The following OTOGL variants were observed in gnomAD, a reference collection of about 807,000 sequenced individuals.
OTOGL encodes the protein otogelin-like protein.
A neutral mutation model predicts 318.5 loss-of-function variants in OTOGL; 285 were observed. That is an observed-to-expected ratio of 0.89 (90% confidence interval 0.81 to 0.99). The LOEUF (loss-of-function observed/expected upper bound fraction) is 0.99. Among genes scored for constraint, OTOGL ranks in the 50% least tolerant of loss-of-function variants. OTOGL has a pLI of 0.00. For missense variants in OTOGL, 2,899 were observed against 2,845.6 expected, an observed-to-expected ratio of 1.02 and a Z score of -0.43; for synonymous variants, 987 against 936.5, an observed-to-expected ratio of 1.05 and a Z score of -0.99.
Position 80,313,541 on chromosome 12 carries a change from C to G in OTOGL, c.3516C>G (p.Asp1172Glu). The change falls in exon 31 of 59, where the codon GAC becomes GAG. Residue 1172 changes from aspartate (D) to glutamate (E), a missense_variant. Asp to Glu is a conservative substitution (Grantham distance 45). Around this residue, in one of 3 missense-constraint regions of OTOGL, gnomAD observed 2,607 missense variants for 2,524.9 expected, o/e 1.03. Transcript: ENST00000547103. ...EDTCNCNLGG[D>E]CECLCTSIAA... ...CATGTAACTGCAATCTTGGTGGCGACTGTGAGTGTTTGTGCACTAGTATAG... is the reference window on the plus strand; with the variant it reads ...CATGTAACTGCAATCTTGGTGGCGAGTGTGAGTGTTTGTGCACTAGTATAG... The G allele has an allele frequency of 6.2e-7, 1 of 1,612,570 alleles. No individual in the cohort carries two copies. The highest frequency in any genetic ancestry group is 1.1e-5 in the South Asian group (1 of 91,044).
chr12:80,366,008 T>C (rs1321058291), intron 52 of OTOGL, among the ~76,000 whole-genome samples: 1 of 152,102 alleles, frequency 6.6e-6, no homozygotes, highest in Non-Finnish European at 1.5e-5. Flanking sequence ...CTACAGGACT[T>C]TCTGTGTGTC....
At chr12:80,313,063 T>C (rs1056955074) in intron 30 of OTOGL, among the ~76,000 whole-genome samples, 2 of 152,134 alleles carry the variant, frequency 1.3e-5, no homozygotes. Flanking sequence ...TTACCATTAA[T>C]AGCCATTAGG....
rs143772499 is a variant in OTOGL, at chr12:80,269,643, G to A, written c.2466-459G>A. On this transcript the variant is annotated intron_variant, in intron 22 of 58. Transcript: ENST00000547103. ...GTTATAGCCTTCCTACCTTAGGTGT[G>A]CCATAACCTCCATCCACTCTTCAAA... Among the ~76,000 whole-genome samples, 156 of 152,224 alleles carry A rather than the reference G, an allele frequency of 1.0e-3. 2 individuals are homozygous for A. Among genetic ancestry groups the A allele is most frequent in the African/African-American group, 3.1e-3 (127 of 41,536 alleles).
chr12:80,109,047 G>A (rs914982803), intron 1 of OTOGL, among the ~76,000 whole-genome samples: 3 of 148,912 alleles, frequency 2.0e-5, no homozygotes, highest in Non-Finnish European at 4.4e-5. Context: ...TTTCTGACTC[G>A]TCTCCAGTCT....
chr12:80,217,537 G>A, intron 4 of OTOGL, 61 bp from the exon 5 acceptor site: 1 of 1,149,450 alleles, frequency 8.7e-7, no homozygotes, highest in South Asian at 1.4e-5. Context: ...TTGCCAATTT[G>A]CATGTTTGGC....
At chr12:80,230,351 T>C (rs550816438) in intron 8 of OTOGL, among the ~76,000 whole-genome samples, 5 of 152,246 alleles carry the variant, frequency 3.3e-5, no homozygotes, top group African/African-American at 1.2e-4. Context: ...CTTGGTCAGT[T>C]GGGTTCTGTA....
intron 52 of OTOGL, among the ~76,000 whole-genome samples, chr12:80,361,794 T>C (rs1890250939): frequency 6.6e-6 from 1 of 152,226 alleles, no homozygotes. Flanking sequence ...AAATGCCTAT[T>C]CAGGCCCTTT....
chr12:80,288,206 A>C (rs1332156727), intron 26 of OTOGL, among the ~76,000 whole-genome samples: 1 of 152,126 alleles, frequency 6.6e-6, no homozygotes, highest in Non-Finnish European at 1.5e-5. Flanking sequence ...TCTTTTCTTT[A>C]AGAATGTTGA....
chr12:80,114,862 G>A (rs1428504517), intron 1 of OTOGL, among the ~76,000 whole-genome samples: 1 of 151,208 alleles, frequency 6.6e-6, no homozygotes, highest in Non-Finnish European at 1.5e-5. Context: ...ATTTCATTAA[G>A]TTGATCTTCA....
intron 1 of OTOGL, among the ~76,000 whole-genome samples, chr12:80,164,930 A>T (rs1010828732): frequency 1.1e-4 from 17 of 152,040 alleles, no homozygotes; most frequent in African/African-American, 3.4e-4. Flanking sequence ...GTAGAGGAGG[A>T]AAAAAGGGGA....
chr12:80,148,387 T>A (rs973820685), intron 1 of OTOGL, among the ~76,000 whole-genome samples: 27 of 150,228 alleles, frequency 1.8e-4, no homozygotes, highest in African/African-American at 6.4e-4. Flanking sequence ...TGGCCCCCAC[T>A]CTCTTCTGGC....
chr12:80,250,154 C>A (rs547667706), intron 11 of OTOGL, among the ~76,000 whole-genome samples: 2 of 152,222 alleles, frequency 1.3e-5, no homozygotes, highest in Middle Eastern at 3.4e-3. Flanking sequence ...AGCTGTAGAC[C>A]GGAGCTGTTC....
chr12:80,124,444 T>G (rs1870683153), intron 1 of OTOGL, among the ~76,000 whole-genome samples: 2 of 152,196 alleles, frequency 1.3e-5, no homozygotes, highest in Admixed American at 6.5e-5. Flanking sequence ...ACTGTAGCCT[T>G]GTAGTATGGT....
At chr12:80,205,249 G>A (rs1257838718) in intron 1 of OTOGL, among the ~76,000 whole-genome samples, 1 of 152,126 alleles carries the variant, frequency 6.6e-6, no homozygotes, top group Non-Finnish European at 1.5e-5. Flanking sequence ...GAAGATAGCT[G>A]CAGAAACTGA....
At chr12:80,149,670 G>A (rs1437383639) in intron 1 of OTOGL, among the ~76,000 whole-genome samples, 6 of 152,092 alleles carry the variant, frequency 3.9e-5, no homozygotes, top group African/African-American at 1.4e-4. Flanking sequence ...CCCCAGCCTC[G>A]CTGCCGCCTT....
At chr12:80,352,892 G>A (rs1009785034) in intron 45 of OTOGL, among the ~76,000 whole-genome samples, 1 of 152,206 alleles carries the variant, frequency 6.6e-6, no homozygotes, top group Admixed American at 6.5e-5. Context: ...TCTTTTGACA[G>A]TGAAGGATCA....
chr12:80,101,797 T>G (rs1052264600), intron 1 of OTOGL, among the ~76,000 whole-genome samples: 2 of 152,210 alleles, frequency 1.3e-5, no homozygotes, highest in Admixed American at 1.3e-4. Flanking sequence ...ATCTGTTTAC[T>G]TGAGCCCACA....
chr12:80,179,594 C>A (rs899640486), intron 1 of OTOGL, among the ~76,000 whole-genome samples: 10 of 152,108 alleles, frequency 6.6e-5, no homozygotes, highest in African/African-American at 2.4e-4. Context: ...AAGAGATTCC[C>A]AGGGTTCTTT....
chr12:80,102,573 G>A (rs942277236), intron 1 of OTOGL, among the ~76,000 whole-genome samples: 6 of 152,152 alleles, frequency 3.9e-5, no homozygotes, highest in Non-Finnish European at 2.9e-5. Flanking sequence ...TCTAGTTGTA[G>A]ATACAATCTC....
Sources: allele counts gnomAD v4.1 joint callset (sites outside exome capture counted in the v4.1 genomes callset), GRCh38; gene constraint gnomAD v4.1.1; regional missense constraint gnomAD v4.1.1; transcripts MANE v1.5; gene names NCBI Gene and HGNC (gene_info 2026-07-23, HGNC 2026-07-21).